Variants in LDLRAD4 observed in about 807,000 individuals in gnomAD.
LDLRAD4 encodes low-density lipoprotein receptor class A domain-containing protein 4.
A neutral mutation model predicts 17.0 loss-of-function variants in LDLRAD4; 5 were observed. The ratio of observed to expected loss-of-function variants is 0.29; its 90% CI spans 0.15 to 0.62. The LOEUF is 0.62. Ranked by LOEUF, LDLRAD4 falls within the 20% of genes least tolerant of loss-of-function variation. The pLI is 0.84. For synonymous variants in LDLRAD4, 168 were observed against 171.8 expected (o/e 0.98, Z 0.17); for missense variants, 340 against 424.7 (o/e 0.80, Z 1.75).
In LDLRAD4 at chr18:13,323,151, T is replaced by G. The variant is rs1204287794; in HGVS notation, c.-383+44963T>G. Among the ~76,000 whole-genome samples the G allele has an allele frequency of 7.2e-5, 11 of 152,218 alleles. 1 individual carries two copies. In the South Asian group the frequency reaches 2.3e-3, roughly 32 times the overall value. ...GTCCTTCTCACTCCACAGAAAAAGCTTTTGTTTTTTAGAAATTTGCCTTTT... is the reference window on the plus strand; with the variant it reads ...GTCCTTCTCACTCCACAGAAAAAGCGTTTGTTTTTTAGAAATTTGCCTTTT... On this transcript the variant is annotated intron_variant, in intron 1 of 5. Transcript: ENST00000359446.
chr18:13,470,243 T>C (rs924951659), intron 3 of LDLRAD4, among the ~76,000 whole-genome samples: 1 of 152,176 alleles, frequency 6.6e-6, no homozygotes, highest in Admixed American at 6.5e-5. Context: ...GTCTCTTGAC[T>C]TTCTTCAGAC....
At chr18:13,597,080 T>C (rs936268479) in intron 3 of LDLRAD4, among the ~76,000 whole-genome samples, 1 of 152,202 alleles carries the variant, frequency 6.6e-6, no homozygotes, top group East Asian at 1.9e-4. Context: ...AAGAAATTCC[T>C]TTTGTATTTC....
chr18:13,448,108 A>T (rs139542406), intron 3 of LDLRAD4, among the ~76,000 whole-genome samples: 2 of 152,216 alleles, frequency 1.3e-5, no homozygotes, highest in African/African-American at 2.4e-5. Flanking sequence ...TTGTAGGATG[A>T]TAACACTATT....
intron 3 of LDLRAD4, among the ~76,000 whole-genome samples, chr18:13,466,844 G>A (rs546734387): frequency 6.6e-6 from 1 of 152,298 alleles, no homozygotes; most frequent in South Asian, 2.1e-4. Context: ...TCACATGGTG[G>A]AAGGGGCCAG....
intron 3 of LDLRAD4, among the ~76,000 whole-genome samples, chr18:13,449,133 G>A (rs1317567566): frequency 6.6e-5 from 10 of 152,172 alleles, no homozygotes; most frequent in East Asian, 1.9e-4. Context: ...CACTGGAGAG[G>A]GAAGAAAGAA....
rs183747838 is a variant in LDLRAD4 at position 13,393,655 on chromosome 18, C to G, written c.40+5893C>G. Among the ~76,000 whole-genome samples, 4 of 152,332 alleles carry G rather than the reference C, an allele frequency of 2.6e-5. No individual in the cohort carries two copies. In the East Asian group the frequency reaches 5.8e-4, roughly 22 times the overall value. On this transcript the variant is annotated intron_variant, in intron 2 of 5. Transcript: ENST00000359446. ...TCCCTGCCTCCGTTCTCTCCTCTCT[C>G]TAGTTCTGCCGATGCTCTTTAGAGT...
chr18:13,365,283 C>T (rs1329561561), intron 1 of LDLRAD4, among the ~76,000 whole-genome samples: 1 of 152,168 alleles, frequency 6.6e-6, no homozygotes, highest in Admixed American at 6.5e-5. Context: ...AAATAGAAAG[C>T]TCCGTTAACT....
At chr18:13,610,293 T>TCC (rs2039400383) in intron 3 of LDLRAD4, among the ~76,000 whole-genome samples, 1 of 67,554 alleles carries the variant, frequency 1.5e-5, no homozygotes, top group Non-Finnish European at 3.1e-5. Flanking sequence ...TTTTTTTTTT[T>TCC]TTTTTTTTTT....
chr18:13,373,799 G>A (rs779198761), intron 1 of LDLRAD4, among the ~76,000 whole-genome samples: 2 of 152,286 alleles, frequency 1.3e-5, no homozygotes, highest in East Asian at 1.9e-4. Flanking sequence ...TAGCTGAAAC[G>A]TGGAGTATAC....
intron 3 of LDLRAD4, among the ~76,000 whole-genome samples, chr18:13,445,261 A>C (rs1488112412): frequency 6.6e-6 from 1 of 152,074 alleles, no homozygotes; most frequent in South Asian, 2.1e-4. Context: ...GTGTGTATGC[A>C]TGAGATGTGA....
At chr18:13,270,578 C>A (rs900108088) in intron 1 of LDLRAD4, among the ~76,000 whole-genome samples, 1 of 152,170 alleles carries the variant, frequency 6.6e-6, no homozygotes, top group Non-Finnish European at 1.5e-5. Flanking sequence ...AGTACTGGAT[C>A]CAGGACTTTA....
intron 3 of LDLRAD4, among the ~76,000 whole-genome samples, chr18:13,484,744 T>TG (rs1323245146): frequency 8.5e-5 from 13 of 152,220 alleles, no homozygotes; most frequent in African/African-American, 3.1e-4. Context: ...CAGGCACTAA[T>TG]GCACATATCT....
At chr18:13,516,518 C>T (rs1378374979) in intron 3 of LDLRAD4, among the ~76,000 whole-genome samples, 1 of 152,186 alleles carries the variant, frequency 6.6e-6, no homozygotes, top group Non-Finnish European at 1.5e-5. Context: ...CGCCCTCCTT[C>T]ACAAATGTGT....
At chr18:13,326,242 G>A (rs2085050) in intron 1 of LDLRAD4, among the ~76,000 whole-genome samples, 56,111 of 151,978 alleles carry the variant, frequency 0.37, 11,146 homozygotes, top group African/African-American at 0.52. Context: ...CTTAGTATTT[G>A]TATGTTTCCT....
chr18:13,565,017 C>T (rs1030605990), intron 3 of LDLRAD4: 2 of 152,236 alleles, frequency 1.3e-5, no homozygotes, highest in Admixed American at 1.3e-4. Context: ...TTTTAGAACA[C>T]GGAGTATGTA....
At chr18:13,632,382 C>T (rs976450736) in intron 4 of LDLRAD4, among the ~76,000 whole-genome samples, 3 of 152,262 alleles carry the variant, frequency 2.0e-5, no homozygotes, top group African/African-American at 4.8e-5. Flanking sequence ...CCACTGTGCA[C>T]AGCCAGGTGC....
intron 3 of LDLRAD4, among the ~76,000 whole-genome samples, chr18:13,531,587 CT>C (rs10680224): frequency 2.0e-4 from 25 of 124,582 alleles, no homozygotes; most frequent in African/African-American, 5.8e-4. Context: ...AAGACTCCAT[CT>C]TTTTTTTTTT....
chr18:13,224,640 C>T (rs538864062), intron 1 of LDLRAD4, among the ~76,000 whole-genome samples: 35 of 151,576 alleles, frequency 2.3e-4, no homozygotes, highest in African/African-American at 7.5e-4. Context: ...CCACCACGCC[C>T]GGCTAATTTT....
At chr18:13,643,464 G>GGGC in intron 5 of LDLRAD4, 52 bp downstream of exon 6, 3 of 288,986 alleles carry the variant, frequency 1.0e-5, no homozygotes, top group Admixed American at 5.6e-5. Flanking sequence ...GGTGGGTGGG[G>GGGC]ATGAAGGGGG....
Sources: gnomAD v4.1 joint callset for allele counts (sites outside exome capture counted in the v4.1 genomes callset) on GRCh38, gnomAD v4.1.1 for gene constraint, MANE v1.5 for transcripts, NCBI Gene and HGNC (gene_info 2026-07-23, HGNC 2026-07-21) for gene names.